The following SH3GL2 variants were observed in gnomAD, a reference collection of about 807,000 sequenced individuals.
SH3GL2 encodes the protein endophilin-A1.
SH3GL2 carries 24 observed loss-of-function variants against 46.0 expected under a neutral mutation model. That is an observed-to-expected ratio of 0.52 (90% confidence interval 0.38 to 0.73). The LOEUF (loss-of-function observed/expected upper bound fraction) is 0.73. Ranked by LOEUF, SH3GL2 falls within the 30% of genes least tolerant of loss-of-function variation. SH3GL2 has a pLI of 0.00. For missense variants in SH3GL2, 413 were observed against 424.2 expected (o/e 0.97, Z 0.23); for synonymous variants, 196 against 147.1 (o/e 1.33, Z -2.40).
chr9:17,786,369 C>G lies in SH3GL2; in HGVS notation c.188-12C>G, dbSNP rs1194218077. The G allele has an allele frequency of 3.7e-6, 6 of 1,603,206 alleles. No homozygotes were observed. Among genetic ancestry groups the G allele is most frequent in the South Asian group, 3.3e-5 (3 of 89,686 alleles). ...TGCCTACTCTGAAAGCTTGTTCTCT[C>G]TTCACCTTCAGCTTCCAGAGCTAAG... On this transcript the variant is annotated splice_polypyrimidine_tract_variant and intron_variant, in intron 3 of 8. Transcript: ENST00000380607.
At chr9:17,708,887 A>G (rs1033488156) in intron 1 of SH3GL2, among the ~76,000 whole-genome samples, 1 of 152,022 alleles carries the variant, frequency 6.6e-6, no homozygotes, top group Non-Finnish European at 1.5e-5. Flanking sequence ...GAATGAAACC[A>G]CTGAGCTTCA....
chr9:17,689,126 G>A (rs1452580871), intron 1 of SH3GL2, among the ~76,000 whole-genome samples: 1 of 152,016 alleles, frequency 6.6e-6, no homozygotes, highest in African/African-American at 2.4e-5. Context: ...CTTCACCTCT[G>A]TGGTCTTCCT....
intron 3 of SH3GL2, among the ~76,000 whole-genome samples, chr9:17,784,286 A>G (rs77540268): frequency 0.014 from 2,116 of 152,246 alleles, 60 homozygotes; most frequent in African/African-American, 0.048. Flanking sequence ...GCCACAGTGT[A>G]TTAAACTGTT....
chr9:17,681,521 C>T (rs201382234), intron 1 of SH3GL2, among the ~76,000 whole-genome samples: 5 of 152,048 alleles, frequency 3.3e-5, no homozygotes, highest in Admixed American at 6.6e-5. Context: ...TGAAACTGGA[C>T]CCCTTCCTTA....
At chr9:17,717,157 C>T (rs144705824) in intron 1 of SH3GL2, among the ~76,000 whole-genome samples, 130 of 152,236 alleles carry the variant, frequency 8.5e-4, no homozygotes, top group African/African-American at 3.1e-3. Flanking sequence ...TCTCAAGGGA[C>T]AGACTTGTGG....
rs570961996 is a variant in SH3GL2 at position 17,777,494 on chromosome 9, A to T, written c.188-8887A>T. On this transcript the variant is annotated intron_variant, in intron 3 of 8. Coordinates refer to ENST00000380607, the MANE Select transcript of SH3GL2 (RefSeq NM_003026.5). Reference sequence around the variant, plus strand: ...TTTTCCCCCGGAACCTCAGAATTTGATCTATGTCAGCTCAGGCTGCCATAA... The same window carrying T: ...TTTTCCCCCGGAACCTCAGAATTTGTTCTATGTCAGCTCAGGCTGCCATAA... Among the ~76,000 whole-genome samples the T allele has an allele frequency of 2.0e-5, 3 of 152,306 alleles. No homozygotes were observed. The East Asian group carries it at 5.8e-4, about 29-fold the overall frequency.
intron 1 of SH3GL2, among the ~76,000 whole-genome samples, chr9:17,622,986 G>GTTTCCTTTCCTTTCCGTTCC (rs71331499): frequency 4.0e-5 from 4 of 99,412 alleles, no homozygotes; most frequent in East Asian, 5.4e-4. Flanking sequence ...GTTTCCTTTC[G>GTTTCCTTTCCTTTCCGTTCC]TTTCCTTTCC....
chr9:17,583,616 G>T (rs1461074759), intron 1 of SH3GL2, among the ~76,000 whole-genome samples: 4 of 152,162 alleles, frequency 2.6e-5, no homozygotes, highest in Admixed American at 6.5e-5. Context: ...AACAGACTAA[G>T]TCAGAAATAT....
chr9:17,704,437 A>G (rs200612814), intron 1 of SH3GL2, among the ~76,000 whole-genome samples: 12,083 of 152,092 alleles, frequency 0.079, 628 homozygotes, highest in Admixed American at 0.14. Flanking sequence ...TTAGAAAAAA[A>G]AAATATTAGA....
At chr9:17,659,340 C>T (rs955422982) in intron 1 of SH3GL2, among the ~76,000 whole-genome samples, 1 of 152,078 alleles carries the variant, frequency 6.6e-6, no homozygotes, top group African/African-American at 2.4e-5. Flanking sequence ...GAAGTAGATG[C>T]TGTTGCTATA....
intron 6 of SH3GL2, 102 bp from the exon 7 acceptor site, chr9:17,791,129 G>A: frequency 2.6e-6 from 2 of 767,592 alleles, no homozygotes; most frequent in Non-Finnish European, 4.7e-6. Flanking sequence ...CCAACCAGGG[G>A]CTGTGTGTTG....
chr9:17,598,627 AT>A (rs1818616521), intron 1 of SH3GL2, among the ~76,000 whole-genome samples: 1 of 152,160 alleles, frequency 6.6e-6, no homozygotes, highest in Non-Finnish European at 1.5e-5. Context: ...GATGATACTT[AT>A]TGGAATCCCT....
intron 1 of SH3GL2, among the ~76,000 whole-genome samples, chr9:17,581,139 T>TA (rs1818269903): frequency 6.6e-6 from 1 of 152,260 alleles, no homozygotes; most frequent in Non-Finnish European, 1.5e-5. Context: ...TATAAAATAC[T>TA]ATCCCTTATG....
chr9:17,718,656 G>A (rs1821820345), intron 1 of SH3GL2, among the ~76,000 whole-genome samples: 1 of 152,090 alleles, frequency 6.6e-6, no homozygotes, highest in Admixed American at 6.6e-5. Context: ...TGAGCCTGGG[G>A]GAGATCAAGG....
intron 1 of SH3GL2, among the ~76,000 whole-genome samples, chr9:17,680,794 G>T (rs1820747033): frequency 6.6e-6 from 1 of 152,066 alleles, no homozygotes; most frequent in Non-Finnish European, 1.5e-5. Flanking sequence ...TGTACACACT[G>T]CTTTAAATGT....
At chr9:17,700,965 CTG>C (rs1263975892) in intron 1 of SH3GL2, among the ~76,000 whole-genome samples, 2 of 152,208 alleles carry the variant, frequency 1.3e-5, no homozygotes, top group Non-Finnish European at 2.9e-5. Flanking sequence ...GACCTGTGCA[CTG>C]TGTTTCATCA....
At chr9:17,605,642 C>T (rs566198383) in intron 1 of SH3GL2, among the ~76,000 whole-genome samples, 6 of 152,116 alleles carry the variant, frequency 3.9e-5, no homozygotes, top group Non-Finnish European at 7.3e-5. Context: ...GCCAACATTG[C>T]AACTGTATTG....
At chr9:17,667,728 G>A (rs1820381183) in intron 1 of SH3GL2, among the ~76,000 whole-genome samples, 1 of 152,104 alleles carries the variant, frequency 6.6e-6, no homozygotes. Flanking sequence ...TTGAGGTACT[G>A]CCAGACTGTT....
At chr9:17,707,156 A>G (rs767609069) in intron 1 of SH3GL2, among the ~76,000 whole-genome samples, 1 of 152,008 alleles carries the variant, frequency 6.6e-6, no homozygotes, top group Admixed American at 6.6e-5. Context: ...CAACACACAC[A>G]TGTTGTGACC....
Sources: gnomAD v4.1 joint callset for allele counts (sites outside exome capture counted in the v4.1 genomes callset) on GRCh38, gnomAD v4.1.1 for gene constraint, MANE v1.5 for transcripts, NCBI Gene and HGNC (gene_info 2026-07-23, HGNC 2026-07-21) for gene names.